The following CYP7B1 variants were observed in gnomAD, a reference collection of about 807,000 sequenced individuals.
CYP7B1 encodes cytochrome P450 family 7 subfamily B member 1.
A neutral mutation model predicts 42.7 loss-of-function variants in CYP7B1; 29 were observed. The observed-to-expected ratio is 0.68, with a 90% CI of 0.51 to 0.93. The LOEUF is 0.93. CYP7B1 is among the 40% of genes least tolerant of loss of function. The pLI is 0.00. For missense variants in CYP7B1, 655 were observed against 600.5 expected (o/e 1.09, Z -0.95); for synonymous variants, 235 against 218.2 (o/e 1.08, Z -0.68).
At chr8:64,753,263 C>A (rs1222871273) in intron 1 of CYP7B1, among the ~76,000 whole-genome samples, 1 of 152,086 alleles carries the variant, frequency 6.6e-6, no homozygotes, top group Non-Finnish European at 1.5e-5. Flanking sequence ...ATGCCAAATA[C>A]CTACTATCTG....
chr8:64,722,524 CT>C (rs777155381), intron 1 of CYP7B1, among the ~76,000 whole-genome samples: 3 of 151,930 alleles, frequency 2.0e-5, no homozygotes, highest in Non-Finnish European at 4.4e-5. Context: ...AATTTTAATG[CT>C]TTTACTTTTG....
intron 1 of CYP7B1, among the ~76,000 whole-genome samples, chr8:64,769,641 C>A (rs577317754): frequency 1.3e-5 from 2 of 152,306 alleles, no homozygotes; most frequent in Non-Finnish European, 2.9e-5. Flanking sequence ...ATCCAGTATA[C>A]TTCACAGCAA....
At chr8:64,771,917 AT>A (rs1804240539) in intron 1 of CYP7B1, among the ~76,000 whole-genome samples, 1 of 152,196 alleles carries the variant, frequency 6.6e-6, no homozygotes, top group Admixed American at 6.5e-5. Context: ...GTGACCCTGC[AT>A]CCTGTCCAGC....
At chr8:64,758,239 G>A (rs1807835787) in intron 1 of CYP7B1, among the ~76,000 whole-genome samples, 3 of 152,004 alleles carry the variant, frequency 2.0e-5, no homozygotes, top group East Asian at 1.9e-4. Flanking sequence ...TCCTCTCCTC[G>A]CTCCTGTAAC....
chr8:64,634,536 G>A (rs544884775), intron 1 of CYP7B1, among the ~76,000 whole-genome samples: 85 of 149,946 alleles, frequency 5.7e-4, no homozygotes, highest in African/African-American at 1.6e-3. Context: ...CCGAGATTGC[G>A]CCACTGCACT....
chr8:64,651,051 G>A (rs141273997), intron 1 of CYP7B1, among the ~76,000 whole-genome samples: 20 of 152,366 alleles, frequency 1.3e-4, no homozygotes, highest in African/African-American at 4.8e-4. Flanking sequence ...AGACGGAGAT[G>A]AGGAAGAAGG....
chr8:64,624,649 T>G, intron 1 of CYP7B1, 110 bp from the exon 2 acceptor site: 1 of 1,224,400 alleles, frequency 8.2e-7, no homozygotes, highest in South Asian at 1.3e-5. Flanking sequence ...TGGATTGCAC[T>G]GCTTCTTTCT....
At chr8:64,604,925 A>G (rs1006210896) in intron 4 of CYP7B1, 68 bp from the exon 5 acceptor site, 4 of 1,500,190 alleles carry the variant, frequency 2.7e-6, no homozygotes, top group Admixed American at 3.6e-5. Flanking sequence ...CTCAGTTTGC[A>G]ATAAAACTCA....
chr8:64,613,610 C>T (rs1456480183), intron 4 of CYP7B1, among the ~76,000 whole-genome samples: 1 of 152,012 alleles, frequency 6.6e-6, no homozygotes, highest in African/African-American at 2.4e-5. Context: ...AGCAACTACC[C>T]AAAATTTTAC....
rs1266741443 is a variant in CYP7B1, at chr8:64,591,453, A to C, written c.*5189T>G. Among the ~76,000 whole-genome samples the C allele has an allele frequency of 6.6e-6, 1 of 152,200 alleles. No individual in the cohort carries two copies. The highest frequency in any genetic ancestry group is 1.9e-4 in the East Asian group (1 of 5,202). On this transcript the variant is annotated 3_prime_UTR_variant, in exon 6 of 6. Coordinates refer to ENST00000310193, the MANE Select transcript of CYP7B1 (RefSeq NM_004820.5). ...AAGGGCATGTAATTCCTGTTCACATAATTATTGCCATTCTTTTATACTAGG... is the reference window on the plus strand; with the variant it reads ...AAGGGCATGTAATTCCTGTTCACATCATTATTGCCATTCTTTTATACTAGG...
chr8:64,668,697 T>A (rs1806319576), intron 1 of CYP7B1, among the ~76,000 whole-genome samples: 2 of 139,834 alleles, frequency 1.4e-5, no homozygotes, highest in Non-Finnish European at 3.1e-5. Flanking sequence ...GGAAAAAAAA[T>A]CTCTATTAAA....
intron 4 of CYP7B1, among the ~76,000 whole-genome samples, chr8:64,613,275 G>A (rs986726910): frequency 1.3e-5 from 2 of 151,956 alleles, no homozygotes; most frequent in African/African-American, 4.8e-5. Context: ...GGGCTTAAAT[G>A]GATTCAAATT....
chr8:64,723,250 T>C (rs1035771751), intron 1 of CYP7B1, among the ~76,000 whole-genome samples: 1 of 152,178 alleles, frequency 6.6e-6, no homozygotes, highest in African/African-American at 2.4e-5. Context: ...CTTTCTACAG[T>C]ATATGGAGGA....
At chr8:64,653,912 G>C (rs925956815) in intron 1 of CYP7B1, among the ~76,000 whole-genome samples, 1 of 151,976 alleles carries the variant, frequency 6.6e-6, no homozygotes, top group East Asian at 1.9e-4. Context: ...ATGATTATCT[G>C]TAAAGCCTTT....
At chr8:64,670,695 C>T (rs557397201) in intron 1 of CYP7B1, among the ~76,000 whole-genome samples, 1 of 152,290 alleles carries the variant, frequency 6.6e-6, no homozygotes, top group South Asian at 2.1e-4. Context: ...GAACCAAAGA[C>T]AGACAGTTAC....
chr8:64,734,552 T>C (rs1340603546), intron 1 of CYP7B1: 2 of 152,134 alleles, frequency 1.3e-5, no homozygotes, highest in Non-Finnish European at 2.9e-5. Flanking sequence ...CTTAATCACC[T>C]CCCAATGGCC....
At chr8:64,708,370 C>T (rs190477028) in intron 1 of CYP7B1, among the ~76,000 whole-genome samples, 2 of 152,302 alleles carry the variant, frequency 1.3e-5, no homozygotes, top group African/African-American at 4.8e-5. Context: ...TTTTCACAAT[C>T]AGCCAATATG....
chr8:64,686,035 C>A (rs1443020360), intron 1 of CYP7B1, among the ~76,000 whole-genome samples: 3 of 111,868 alleles, frequency 2.7e-5, no homozygotes, highest in Admixed American at 8.5e-5. Flanking sequence ...CCAGCCACCC[C>A]GTCCGGGAGG....
At position 64,591,757 on chromosome 8, in the gene CYP7B1, T is replaced by C. The variant is rs1805038278; in HGVS notation, c.*4885A>G. Reference sequence around the variant, plus strand: ...CTTATAAGCATGCCTGATTTAGTGATAGGTAGCTTTTTCTTAACCACTTCA... The same window carrying C: ...CTTATAAGCATGCCTGATTTAGTGACAGGTAGCTTTTTCTTAACCACTTCA... On this transcript the variant is annotated 3_prime_UTR_variant, in exon 6 of 6. Transcript: ENST00000310193. Among the ~76,000 whole-genome samples the C allele has an allele frequency of 2.0e-5, 3 of 152,170 alleles. No homozygotes were observed. Among genetic ancestry groups the C allele is most frequent in the South Asian group, 2.1e-4 (1 of 4,822 alleles).
Sources: allele counts gnomAD v4.1 joint callset (sites outside exome capture counted in the v4.1 genomes callset), GRCh38; gene constraint gnomAD v4.1.1; transcripts MANE v1.5; gene names NCBI Gene and HGNC (gene_info 2026-07-23, HGNC 2026-07-21).